KIZ: variants seen among roughly 807,000 people sequenced by gnomAD.
The protein encoded by KIZ is centrosomal protein kizuna.
A neutral mutation model predicts 79.6 loss-of-function variants in KIZ; 68 were observed. The observed-to-expected ratio is 0.85, with a 90% CI of 0.70 to 1.05. The LOEUF (loss-of-function observed/expected upper bound fraction) is 1.05. KIZ is among the 50% of genes least tolerant of loss of function. The pLI is 0.00. For synonymous variants in KIZ, 280 were observed against 281.8 expected (o/e 0.99, Z 0.06); for missense variants, 797 against 800.4 (o/e 1.00, Z 0.05).
intron 9 of KIZ, among the ~76,000 whole-genome samples, chr20:21,217,441 C>T (rs1346298841): frequency 3.3e-5 from 5 of 152,148 alleles, no homozygotes; most frequent in Non-Finnish European, 7.4e-5. Flanking sequence ...GTCTGTCTGC[C>T]TCTTTATAAT....
chr20:21,219,191 T>A (rs879574653), intron 9 of KIZ, among the ~76,000 whole-genome samples: 49,089 of 152,214 alleles, frequency 0.32, 8,019 homozygotes, highest in East Asian at 0.42. Context: ...AGGTAGAATA[T>A]TTATCGAGCT....
At chr20:21,160,422 C>G (rs948668315) in intron 4 of KIZ, among the ~76,000 whole-genome samples, 1 of 152,152 alleles carries the variant, frequency 6.6e-6, no homozygotes, top group African/African-American at 2.4e-5. Flanking sequence ...GACATTGGCT[C>G]ATGTGTCCTT....
chr20:21,233,269 A>G (rs1010114075), intron 11 of KIZ, among the ~76,000 whole-genome samples: 5 of 152,142 alleles, frequency 3.3e-5, no homozygotes, highest in African/African-American at 1.2e-4. Context: ...TTTTTTAACC[A>G]AGTGTTTAGG....
intron 6 of KIZ, among the ~76,000 whole-genome samples, chr20:21,163,718 C>G (rs1288892805): frequency 6.6e-6 from 1 of 152,140 alleles, no homozygotes; most frequent in Admixed American, 6.5e-5. Context: ...ATTAGAATCT[C>G]TAATGTTAAA....
At chr20:21,231,537 T>G (rs2036833173) in intron 10 of KIZ, among the ~76,000 whole-genome samples, 1 of 152,184 alleles carries the variant, frequency 6.6e-6, no homozygotes, top group South Asian at 2.1e-4. Flanking sequence ...ACACTACATG[T>G]TTTGCAAGAT....
At chr20:21,155,792 C>A (rs1214414574) in intron 4 of KIZ, among the ~76,000 whole-genome samples, 1 of 152,124 alleles carries the variant, frequency 6.6e-6, no homozygotes, top group Non-Finnish European at 1.5e-5. Flanking sequence ...GACTTCATGA[C>A]CTTTCCCTAT....
rs1379373731 is a variant in KIZ at position 21,163,154 on chromosome 20, A to G, written c.1347A>G (p.Thr449=). ...AGGAATCCTCCACTAACGCACCAAC[A>G]AGAGAGTAAGCCATTCAATTTTTTT... ...SEKESSTNAP[T]REPGQTPDSD... is the part of the protein sequence containing the mutation. The change falls in exon 6 of 13, where the codon ACA becomes ACG. Residue 449 remains threonine (T), a synonymous_variant. Transcript: ENST00000619189. 7 of 1,603,428 alleles carry G rather than the reference A, an allele frequency of 4.4e-6. No homozygotes were observed. The highest frequency in any genetic ancestry group is 2.2e-5 in the East Asian group (1 of 44,802).
intron 7 of KIZ, among the ~76,000 whole-genome samples, chr20:21,209,639 T>A (rs967780683): frequency 1.2e-4 from 19 of 152,282 alleles, no homozygotes; most frequent in Non-Finnish European, 1.5e-5. Flanking sequence ...AACTTAAGTG[T>A]TGATGCTTGC....
intron 6 of KIZ, among the ~76,000 whole-genome samples, chr20:21,170,684 G>A (rs6047288): frequency 0.58 from 87,534 of 151,644 alleles, 26,888 homozygotes; most frequent in South Asian, 0.78. Context: ...CACCACGCCC[G>A]GCCATCAAAT....
chr20:21,190,884 G>A (rs1568960362), intron 6 of KIZ, among the ~76,000 whole-genome samples: 1 of 152,140 alleles, frequency 6.6e-6, no homozygotes, highest in Non-Finnish European at 1.5e-5. Context: ...AGATGAAATT[G>A]TCTTTTCATA....
At chr20:21,203,597 A>C (rs1020619321) in intron 6 of KIZ, among the ~76,000 whole-genome samples, 2 of 152,162 alleles carry the variant, frequency 1.3e-5, no homozygotes, top group African/African-American at 4.8e-5. Context: ...TGACTTTTCT[A>C]ATTTGATCAT....
chr20:21,168,597 A>G (rs1281285332), intron 6 of KIZ, among the ~76,000 whole-genome samples: 7 of 152,176 alleles, frequency 4.6e-5, no homozygotes, highest in African/African-American at 1.7e-4. Flanking sequence ...AAGTTCATAT[A>G]GAACCAAAAG....
intron 9 of KIZ, among the ~76,000 whole-genome samples, chr20:21,217,130 A>T (rs1483944929): frequency 1.3e-5 from 2 of 152,162 alleles, no homozygotes; most frequent in African/African-American, 2.4e-5. Context: ...ATTAGACATT[A>T]AAAAAAGTAC....
intron 9 of KIZ, among the ~76,000 whole-genome samples, chr20:21,220,550 C>T (rs144546037): frequency 1.3e-3 from 203 of 152,258 alleles, no homozygotes; most frequent in African/African-American, 4.8e-3. Context: ...GTGGCACGAT[C>T]TTGGCTCAGT....
At chr20:21,192,289 T>TTC (rs1368737001) in intron 6 of KIZ, among the ~76,000 whole-genome samples, 1 of 150,840 alleles carries the variant, frequency 6.6e-6, no homozygotes, top group Non-Finnish European at 1.5e-5. Flanking sequence ...ATTTTTTTTT[T>TTC]TTTTTTTTTT....
chr20:21,194,615 T>C (rs1335824558), intron 6 of KIZ: 1 of 152,202 alleles, frequency 6.6e-6, no homozygotes, highest in Non-Finnish European at 1.5e-5. Flanking sequence ...TCATAAGCTC[T>C]GTGCATAGTG....
chr20:21,173,702 A>G (rs2034320712), intron 6 of KIZ, among the ~76,000 whole-genome samples: 1 of 152,068 alleles, frequency 6.6e-6, no homozygotes, highest in Non-Finnish European at 1.5e-5. Context: ...TTATTGAGAT[A>G]AGGAACATGT....
At chr20:21,173,502 T>C (rs1452451125) in intron 6 of KIZ, among the ~76,000 whole-genome samples, 10 of 143,276 alleles carry the variant, frequency 7.0e-5, no homozygotes, top group Non-Finnish European at 1.0e-4. Flanking sequence ...TGCTTGAACC[T>C]GGGAAGTGGA....
At chr20:21,216,859 G>GTA (rs2036313589) in intron 9 of KIZ, among the ~76,000 whole-genome samples, 1 of 152,148 alleles carries the variant, frequency 6.6e-6, no homozygotes, top group South Asian at 2.1e-4. Flanking sequence ...TCTCTTTTCA[G>GTA]TATTCTTTAC....
Sources: gnomAD v4.1 joint callset for allele counts (sites outside exome capture counted in the v4.1 genomes callset) on GRCh38, gnomAD v4.1.1 for gene constraint, MANE v1.5 for transcripts, NCBI Gene and HGNC (gene_info 2026-07-23, HGNC 2026-07-21) for gene names.